Variants in UNC80 observed in about 807,000 individuals in gnomAD.
UNC80 encodes the protein unc-80 subunit of NALCN channel complex.
UNC80 carries 164 observed loss-of-function variants against 384.6 expected under a neutral mutation model. The observed-to-expected ratio is 0.43, with a 90% CI of 0.38 to 0.49. The LOEUF is 0.49. Among genes scored for constraint, UNC80 ranks in the 20% least tolerant of loss-of-function variants. UNC80 has a pLI of 0.00. For missense variants in UNC80, 3,330 were observed against 4,143.0 expected (o/e 0.80, Z 5.39); for synonymous variants, 1,486 against 1,527.8 (o/e 0.97, Z 0.64).
At chr2:209,902,591 C>G (rs2124926965) in intron 28 of UNC80, among the ~76,000 whole-genome samples, 1 of 152,258 alleles carries the variant, frequency 6.6e-6, no homozygotes, top group East Asian at 1.9e-4. Flanking sequence ...CTTCAGCAAC[C>G]ACTTCTCTCT....
intron 13 of UNC80, among the ~76,000 whole-genome samples, 153 bp downstream of exon 13, chr2:209,820,832 A>T (rs919562201): frequency 6.6e-6 from 1 of 152,220 alleles, no homozygotes; most frequent in Non-Finnish European, 1.5e-5. Flanking sequence ...GGTTCTCAGT[A>T]GGCATTAGCA....
chr2:209,956,406 A>AT (rs1369061239), intron 48 of UNC80, among the ~76,000 whole-genome samples: 1 of 21,216 alleles, frequency 4.7e-5, no homozygotes, highest in Non-Finnish European at 1.1e-4. Context: ...AGCTCATTCA[A>AT]TTTTTTGGCA....
intron 12 of UNC80, 65 bp downstream of exon 12, chr2:209,819,326 A>T: frequency 6.9e-7 from 1 of 1,452,844 alleles, no homozygotes; most frequent in South Asian, 1.4e-5. Flanking sequence ...CATTTTTGCA[A>T]TGTTATATAA....
intron 5 of UNC80, among the ~76,000 whole-genome samples, chr2:209,788,900 C>T (rs1482470185): frequency 6.6e-6 from 1 of 152,270 alleles, no homozygotes; most frequent in East Asian, 1.9e-4. Flanking sequence ...TTCCTGCAAG[C>T]TCCATTCATG....
At position 209,825,936 on chromosome 2, in the gene UNC80, G is replaced by C. The variant is rs1394184359; in HGVS notation, c.2361G>C (p.Arg787Ser). 6.5e-7 allele frequency: 1 copy of C among 1,549,828 alleles called. No individual in the cohort carries two copies. Among genetic ancestry groups the C allele is most frequent in the Non-Finnish European group, 8.7e-7 (1 of 1,146,098 alleles). Residue 787 changes from arginine (R) to serine (S), a missense_variant, in exon 14 of 65, where the codon AGG becomes AGC. Around this residue, in one of 8 missense-constraint regions of UNC80, gnomAD observed 937 missense variants for 1,026.8 expected, o/e 0.91. Coordinates refer to ENST00000673920, the MANE Select transcript of UNC80 (RefSeq NM_001371986.1). ...KDESTPVSNHRLALTMLIKIV... is the reference protein window; with the variant it reads ...KDESTPVSNHSLALTMLIKIV... ...AAAGTACACCTGTAAGCAACCATAGGCTTGCTCTAACAATGCTCATCAAAA... is the reference window on the plus strand; with the variant it reads ...AAAGTACACCTGTAAGCAACCATAGCCTTGCTCTAACAATGCTCATCAAAA...
At chr2:209,807,457 T>C (rs1340070262) in intron 7 of UNC80, among the ~76,000 whole-genome samples, 1 of 150,742 alleles carries the variant, frequency 6.6e-6, no homozygotes, top group Non-Finnish European at 1.5e-5. Context: ...CTCTGCCTCC[T>C]GGGTTCACGC....
In UNC80 at chr2:209,901,018, A is replaced by G. The variant is rs138403120; in HGVS notation, c.4582-3747A>G. Among the ~76,000 whole-genome samples the G allele has an allele frequency of 5.9e-3, 895 of 152,340 alleles. 7 individuals are homozygous for G. Among genetic ancestry groups the G allele is most frequent in the African/African-American group, 0.021 (870 of 41,572 alleles). On this transcript the variant is annotated intron_variant, in intron 28 of 64. Transcript: ENST00000673920. ...TTCATGAGGTTGAAAGAAAGAAGCC[A>G]TCTCCATAACATAAAAGTGCAAGGT...
At position 209,993,394 on chromosome 2, in the gene UNC80, G is replaced by T. The variant is rs369075541; in HGVS notation, c.9476G>T (p.Arg3159Leu). ...NRQGARLSTTRRSIQPKTKPS... is the reference protein window; with the variant it reads ...NRQGARLSTTLRSIQPKTKPS... ...CAAGGGGCTCGGCTGTCAACCACTC[G>T]CAGGAGCATTCAACCTAAAACGAAG... The change falls in exon 63 of 65, where the codon CGC becomes CTC. Residue 3159 changes from arginine to leucine, a missense_variant. Arg to Leu is a moderately radical substitution (Grantham distance 102, BLOSUM62 -2). Transcript: ENST00000673920. 3 of 1,551,458 alleles carry T rather than the reference G, an allele frequency of 1.9e-6. No individual in the cohort carries two copies. Among genetic ancestry groups the T allele is most frequent in the Middle Eastern group, 3.3e-4 (2 of 6,012 alleles).
intron 47 of UNC80, among the ~76,000 whole-genome samples, chr2:209,950,799 C>G (rs538802663): frequency 3.3e-5 from 5 of 151,982 alleles, no homozygotes; most frequent in African/African-American, 9.7e-5. Flanking sequence ...CTCAGGTGAT[C>G]CACCCGTCTC....
intron 62 of UNC80, 136 bp downstream of exon 62, chr2:209,992,383 G>C: frequency 2.5e-6 from 2 of 789,790 alleles, no homozygotes; most frequent in South Asian, 1.8e-5. Context: ...GCTGATGTGG[G>C]AGGATTGCTT....
intron 22 of UNC80, among the ~76,000 whole-genome samples, chr2:209,866,533 C>CAGAGAGAGAG (rs369408644): frequency 3.8e-5 from 4 of 104,086 alleles, no homozygotes; most frequent in South Asian, 3.2e-4. Flanking sequence ...CACACACACA[C>CAGAGAGAGAG]AGAGAGAGAG....
rs1260150597 is a variant in UNC80 at position 209,793,868 on chromosome 2, T to C, written c.938+9T>C. 3 of 1,613,552 alleles carry C rather than the reference T, an allele frequency of 1.9e-6. No individual in the cohort carries two copies. Among genetic ancestry groups the C allele is most frequent in the African/African-American group, 1.3e-5 (1 of 74,900 alleles). The stretch of plus-strand genomic sequence containing the variant: ...GGCCCATCACATTCCAGGTACCTGA[T>C]TGCAATGTTAGGGACAAAATGTGTC... On this transcript the variant is annotated intron_variant, in intron 7 of 64. Coordinates refer to ENST00000673920, the MANE Select transcript of UNC80 (RefSeq NM_001371986.1).
intron 28 of UNC80, among the ~76,000 whole-genome samples, chr2:209,898,660 C>T (rs573494486): frequency 2.0e-5 from 3 of 152,146 alleles, no homozygotes; most frequent in South Asian, 4.2e-4. Flanking sequence ...TTTAAATGTA[C>T]AGTTATTATT....
intron 21 of UNC80, among the ~76,000 whole-genome samples, chr2:209,847,584 CTCT>C (rs1275755415): frequency 6.6e-6 from 1 of 151,914 alleles, no homozygotes; most frequent in Non-Finnish European, 1.5e-5. Flanking sequence ...GATGACTTCT[CTCT>C]TCATTATTTT....
At chr2:209,787,985 A>G (rs1309932887) in intron 5 of UNC80, among the ~76,000 whole-genome samples, 1 of 152,212 alleles carries the variant, frequency 6.6e-6, no homozygotes, top group Non-Finnish European at 1.5e-5. Context: ...GGGACAAGAC[A>G]TGAAGGTGGA....
chr2:209,956,100 A>G (rs912010123), intron 48 of UNC80, among the ~76,000 whole-genome samples: 3 of 152,092 alleles, frequency 2.0e-5, no homozygotes, highest in Non-Finnish European at 4.4e-5. Context: ...ACCTTTTTAT[A>G]AGGATAAGTC....
chr2:209,786,980 CATATATAT>C (rs60467878), intron 5 of UNC80, among the ~76,000 whole-genome samples: 5,001 of 135,678 alleles, frequency 0.037, 148 homozygotes, highest in South Asian at 0.063. Context: ...TCTACAGAAG[CATATATAT>C]ATATATATAT....
chr2:209,924,749 C>T (rs1385450656), intron 35 of UNC80, among the ~76,000 whole-genome samples: 1 of 151,756 alleles, frequency 6.6e-6, no homozygotes, highest in Non-Finnish European at 1.5e-5. Context: ...CCTCAGACAG[C>T]TACAATGTTA....
chr2:209,957,255 C>T (rs1179384645), intron 48 of UNC80, among the ~76,000 whole-genome samples: 1 of 152,106 alleles, frequency 6.6e-6, no homozygotes, highest in African/African-American at 2.4e-5. Context: ...GTGGTACATA[C>T]ATCCTTGCCT....
Sources: allele counts gnomAD v4.1 joint callset (sites outside exome capture counted in the v4.1 genomes callset), GRCh38; gene constraint gnomAD v4.1.1; regional missense constraint gnomAD v4.1.1; transcripts MANE v1.5; gene names NCBI Gene and HGNC (gene_info 2026-07-23, HGNC 2026-07-21).